The following TP53INP1 variants were observed in gnomAD, a reference collection of about 807,000 sequenced individuals.
The protein encoded by TP53INP1 is tumor protein p53-inducible nuclear protein 1.
TP53INP1 carries 12 observed loss-of-function variants against 21.0 expected under a neutral mutation model. The ratio of observed to expected loss-of-function variants is 0.57; its 90% CI spans 0.37 to 0.93. The LOEUF (loss-of-function observed/expected upper bound fraction) is 0.93. Ranked by LOEUF, TP53INP1 falls within the 40% of genes least tolerant of loss-of-function variation. The pLI is 0.01. For synonymous variants in TP53INP1, 91 were observed against 94.8 expected (o/e 0.96, Z 0.23); for missense variants, 274 against 294.7 (o/e 0.93, Z 0.51).
chr8:94,939,998 A>G lies in TP53INP1; in HGVS notation c.335T>C (p.Ile112Thr), dbSNP rs1223574820. The G allele has an allele frequency of 1.2e-6, 2 of 1,614,180 alleles. No individual in the cohort carries two copies. The highest frequency in any genetic ancestry group is 1.1e-5 in the South Asian group (1 of 91,080). Residue 112 changes from isoleucine to threonine, a missense_variant, in exon 3 of 4, where the codon ATC (isoleucine) becomes ACC (threonine). By Grantham distance (89) the Ile-to-Thr change is moderately conservative (BLOSUM62 -1). Transcript: ENST00000342697. ...PCFTAGGLTT[I>T]KVETSPMENL... is the part of the protein sequence containing the mutation. ...TTCCATAGGACTTGTTTCCACCTTG[A>G]TAGTGGTTAATCCACCTGCAGTAAA...
Position 94,927,037 on chromosome 8 carries a change from C to T in TP53INP1, c.*3442G>A. 1 of 152,334 alleles carries T rather than the reference C, an allele frequency of 6.6e-6. No individual in the cohort carries two copies. The highest frequency in any genetic ancestry group is 1.5e-5 in the Non-Finnish European group (1 of 68,012). The allele number at this position is 152,334 out of a possible 1,614,324, so 9.4% of individuals were successfully genotyped here. On this transcript the variant is annotated 3_prime_UTR_variant, in exon 4 of 4. Transcript: ENST00000342697. ...AAATAAAAAGATAATTTTAAAGTAA[C>T]ATTACAAACATATACTACTAGTGTC...
At chr8:94,941,326 GTTCT>G (rs1821510671) in intron 1 of TP53INP1, among the ~76,000 whole-genome samples, 3 of 151,902 alleles carry the variant, frequency 2.0e-5, no homozygotes, top group African/African-American at 7.3e-5. Context: ...GAAAGAGTTG[GTTCT>G]TTTTCATATT....
intron 3 of TP53INP1, among the ~76,000 whole-genome samples, chr8:94,938,360 G>C (rs1347733492): frequency 1.3e-5 from 2 of 152,178 alleles, no homozygotes; most frequent in Admixed American, 6.5e-5. Flanking sequence ...GACTGAGGCT[G>C]GACTGTGATA....
Position 94,926,626 on chromosome 8 carries a change from A to T in TP53INP1, c.*3853T>A, listed in dbSNP as rs556133231. On this transcript the variant is annotated 3_prime_UTR_variant, in exon 4 of 4. Transcript: ENST00000342697. Reference sequence around the variant, plus strand: ...GACATTTAACAATTACACAATTTTTAAAAGTGTCGTAAAATTCTCAACTAT... The same window carrying T: ...GACATTTAACAATTACACAATTTTTTAAAGTGTCGTAAAATTCTCAACTAT... 4 of 151,812 alleles carry T rather than the reference A, an allele frequency of 2.6e-5. No homozygotes were observed. Among genetic ancestry groups the T allele is most frequent in the African/African-American group, 9.7e-5 (4 of 41,090 alleles). The allele number at this position is 151,812 out of a possible 1,614,324, so 9.4% of individuals were successfully genotyped here. A position where few individuals can be genotyped will look rare whatever the true frequency, so the allele number is the denominator to read the frequency against.
In TP53INP1 at chr8:94,941,040, G is replaced by T; in HGVS notation, c.-99C>A. The T allele has an allele frequency of 1.3e-6, 1 of 784,564 alleles. No individual in the cohort carries two copies. The highest frequency in any genetic ancestry group is 2.1e-6 in the Non-Finnish European group (1 of 476,618). The allele number at this position is 784,564 out of a possible 1,614,324, so 48.6% of individuals were successfully genotyped here. On this transcript the variant is annotated 5_prime_UTR_variant, in exon 2 of 4. Transcript: ENST00000342697. ...CCAATGGTACCGACAGGAGATTAAA[G>T]TGCACAGGGTGCTTATTCAACTTAG...
intron 1 of TP53INP1, 141 bp downstream of exon 1, chr8:94,949,013 G>C (rs1028378806): frequency 2.0e-5 from 3 of 149,306 alleles, no homozygotes; most frequent in Non-Finnish European, 4.5e-5. Flanking sequence ...CAGCGAGGGG[G>C]CTCGGTGAAC....
chr8:94,933,924 A>T (rs1341689933), intron 3 of TP53INP1, among the ~76,000 whole-genome samples: 2 of 148,696 alleles, frequency 1.3e-5, no homozygotes, highest in African/African-American at 4.9e-5. Flanking sequence ...TGCAAAAATT[A>T]GCTGGGCGTA....
chr8:94,929,136 C>T lies in TP53INP1; in HGVS notation c.*1343G>A, dbSNP rs537469237. On this transcript the variant is annotated 3_prime_UTR_variant, in exon 4 of 4. Transcript: ENST00000342697. ...TGCACCCTGGCCTCATTAGCACCAA[C>T]ACTGTGAAGAACAGCTGTGGCAGAG... is the stretch of plus-strand genomic sequence containing the variant. The T allele has an allele frequency of 2.0e-5, 3 of 152,728 alleles. No homozygotes were observed. The East Asian group carries it at 5.8e-4, about 30-fold the overall frequency. 9.5% of individuals were successfully genotyped at this position (152,728 alleles called of 1,614,324 possible).
chr8:94,937,640 A>AT (rs553902167), intron 3 of TP53INP1, among the ~76,000 whole-genome samples: 7 of 150,944 alleles, frequency 4.6e-5, no homozygotes, highest in African/African-American at 9.7e-5. Flanking sequence ...ACATCACCTC[A>AT]TTTTTTTTTC....
At position 94,929,562 on chromosome 8, in the gene TP53INP1, A is replaced by T. The variant is rs1384119040; in HGVS notation, c.*917T>A. 4 of 152,204 alleles carry T rather than the reference A, an allele frequency of 2.6e-5. No homozygotes were observed. Among genetic ancestry groups the T allele is most frequent in the Non-Finnish European group, 5.9e-5 (4 of 68,034 alleles). 9.4% of individuals were successfully genotyped at this position (152,204 alleles called of 1,614,324 possible). A position where few individuals can be genotyped will look rare whatever the true frequency, so the allele number is the denominator to read the frequency against. ...AGAGGATTTTTCACTCTGTGGAAAT[A>T]TAAAGCCTATCTCTTTTCCCATGGG... On this transcript the variant is annotated 3_prime_UTR_variant, in exon 4 of 4. Transcript: ENST00000342697.
intron 1 of TP53INP1, among the ~76,000 whole-genome samples, 192 bp from the exon 2 acceptor site, chr8:94,941,283 A>T (rs1821506070): frequency 6.6e-6 from 1 of 152,178 alleles, no homozygotes; most frequent in Non-Finnish European, 1.5e-5. Flanking sequence ...CTCAAATTCA[A>T]CCTATAAATA....
At chr8:94,948,110 T>C (rs1822176352) in intron 1 of TP53INP1, among the ~76,000 whole-genome samples, 1 of 152,158 alleles carries the variant, frequency 6.6e-6, no homozygotes, top group African/African-American at 2.4e-5. Context: ...GGAGTCACAG[T>C]TGTAAAGAGG....
intron 3 of TP53INP1, among the ~76,000 whole-genome samples, chr8:94,935,654 T>C (rs552696118): frequency 7.4e-4 from 112 of 152,302 alleles, no homozygotes; most frequent in African/African-American, 2.6e-3. Flanking sequence ...TGAAGATAAA[T>C]TCCTGGGACT....
At chr8:94,932,026 C>T in intron 3 of TP53INP1, 2 of 1,579,638 alleles carry the variant, frequency 1.3e-6, no homozygotes, top group South Asian at 2.3e-5. Context: ...CTTTGCCTCC[C>T]TATGCATACA....
Position 94,928,476 on chromosome 8 carries a change from A to C in TP53INP1, c.*2003T>G, listed in dbSNP as rs953691327. The C allele has an allele frequency of 6.6e-6, 1 of 152,580 alleles. No homozygotes were observed. The highest frequency in any genetic ancestry group is 1.5e-5 in the Non-Finnish European group (1 of 68,046). The allele number at this position is 152,580 out of a possible 1,614,324, so 9.5% of individuals were successfully genotyped here. A position where few individuals can be genotyped will look rare whatever the true frequency, so the allele number is the denominator to read the frequency against. Reference sequence around the variant, plus strand: ...AAACATACACACCTTCATGGAAACTATCTTATCTCCCAACTCTGGTAAACA... The same window carrying C: ...AAACATACACACCTTCATGGAAACTCTCTTATCTCCCAACTCTGGTAAACA... On this transcript the variant is annotated 3_prime_UTR_variant, in exon 4 of 4. Transcript: ENST00000342697.
intron 1 of TP53INP1, among the ~76,000 whole-genome samples, chr8:94,944,265 A>G (rs934468608): frequency 6.6e-6 from 1 of 152,166 alleles, no homozygotes; most frequent in Admixed American, 6.5e-5. Context: ...CTTGTCCCCA[A>G]CCTGTGATGC....
intron 3 of TP53INP1, among the ~76,000 whole-genome samples, chr8:94,938,265 G>A (rs1307003920): frequency 2.6e-5 from 4 of 152,208 alleles, no homozygotes; most frequent in Non-Finnish European, 5.9e-5. Context: ...TGGATGGAAT[G>A]AATTACTGAC....
intron 1 of TP53INP1, among the ~76,000 whole-genome samples, chr8:94,943,656 A>G (rs1247288310): frequency 6.6e-6 from 1 of 152,226 alleles, no homozygotes; most frequent in African/African-American, 2.4e-5. Context: ...ATCTGTAGCT[A>G]ATGAGATTCC....
intron 1 of TP53INP1, among the ~76,000 whole-genome samples, chr8:94,944,128 G>A (rs761687176): frequency 1.1e-4 from 17 of 152,222 alleles, no homozygotes; most frequent in Non-Finnish European, 2.1e-4. Flanking sequence ...TTCTGTGTCT[G>A]CTGAACCAGT....
Sources: allele counts gnomAD v4.1 joint callset (sites outside exome capture counted in the v4.1 genomes callset), GRCh38; gene constraint gnomAD v4.1.1; transcripts MANE v1.5; gene names NCBI Gene and HGNC (gene_info 2026-07-23, HGNC 2026-07-21).